The following LPAR1 variants were observed in gnomAD, a reference collection of about 807,000 sequenced individuals.
LPAR1 encodes the protein lysophosphatidic acid receptor 1, also known as LPA receptor 1.
In LPAR1, 5 loss-of-function variants were observed where a neutral mutation model predicts 23.8. The ratio of observed to expected loss-of-function variants is 0.21; its 90% CI spans 0.11 to 0.44. The LOEUF (loss-of-function observed/expected upper bound fraction) is 0.44. Ranked by LOEUF, LPAR1 falls within the 20% of genes least tolerant of loss-of-function variation. The pLI is 0.99. For missense variants in LPAR1, 311 were observed against 482.8 expected, an observed-to-expected ratio of 0.64 and a Z score of 3.33; for synonymous variants, 160 against 164.7, an observed-to-expected ratio of 0.97 and a Z score of 0.22.
rs574289895 is a variant in LPAR1, at chr9:110,910,000, C to T, written c.793+31421G>A. 7.9e-5 allele frequency among the ~76,000 whole-genome samples: 12 copies of T among 152,190 alleles called. No homozygotes were observed. The South Asian group carries it at 2.3e-3, about 29-fold the overall frequency. ...CTAAGCTCAAGCTATCCACCTGCCT[C>T]GGCTTCCCAAAGTGCTAGGATTATA... On this transcript the variant is annotated intron_variant, in intron 5 of 5. Coordinates refer to ENST00000683809, the MANE Select transcript of LPAR1 (RefSeq NM_001351411.2).
At chr9:110,891,632 A>G (rs1177784269) in intron 5 of LPAR1, among the ~76,000 whole-genome samples, 1 of 152,234 alleles carries the variant, frequency 6.6e-6, no homozygotes, top group East Asian at 1.9e-4. Flanking sequence ...ATAGTCTTGG[A>G]ATAATTTGAC....
At chr9:110,964,577 G>A (rs1454207046) in intron 4 of LPAR1, among the ~76,000 whole-genome samples, 1 of 152,100 alleles carries the variant, frequency 6.6e-6, no homozygotes, top group African/African-American at 2.4e-5. Flanking sequence ...GAATCTAGGT[G>A]TTGGCTATAT....
intron 2 of LPAR1, among the ~76,000 whole-genome samples, chr9:111,000,593 T>C (rs947136071): frequency 6.6e-6 from 1 of 152,166 alleles, no homozygotes; most frequent in Non-Finnish European, 1.5e-5. Context: ...TGCCTCAGTG[T>C]GAGCTGTGCT....
chr9:110,967,552 C>A (rs1036322376), intron 4 of LPAR1, among the ~76,000 whole-genome samples: 4 of 152,092 alleles, frequency 2.6e-5, no homozygotes, highest in South Asian at 2.1e-4. Context: ...GATTTTCAGG[C>A]CTTTCACACT....
rs1351621453 is a variant in LPAR1 at position 110,874,520 on chromosome 9, C to G, written c.*901G>C. On this transcript the variant is annotated 3_prime_UTR_variant, in exon 6 of 6. Transcript: ENST00000683809. The stretch of plus-strand genomic sequence containing the variant: ...CTTTTTTATACATTTCTGCATTTTT[C>G]AAGTTTTCTATGATGAGTATATTAT... 6.6e-6 allele frequency: 1 copy of G among 152,450 alleles called. No homozygotes were observed. Among genetic ancestry groups the G allele is most frequent in the Admixed American group, 6.6e-5 (1 of 15,252 alleles). The allele number at this position is 152,450 out of a possible 1,614,324, so 9.4% of individuals were successfully genotyped here. A position where few individuals can be genotyped will look rare whatever the true frequency, so the allele number is the denominator to read the frequency against.
rs983235712 is a variant in LPAR1 at position 110,900,633 on chromosome 9, T to C, written c.794-24911A>G. 3.9e-5 allele frequency among the ~76,000 whole-genome samples: 6 copies of C among 152,322 alleles called. No homozygotes were observed. The East Asian group carries it at 1.2e-3, about 29-fold the overall frequency. ...TTTAATGTTACAGTTTCTGGCACCA[T>C]TCCCAAGCTTTCTTGACCCTGTTGC... On this transcript the variant is annotated intron_variant, in intron 5 of 5. Transcript: ENST00000683809.
At chr9:110,990,151 A>G (rs1418237169) in intron 2 of LPAR1, among the ~76,000 whole-genome samples, 2 of 152,152 alleles carry the variant, frequency 1.3e-5, no homozygotes, top group Non-Finnish European at 2.9e-5. Context: ...AAATCCACAA[A>G]TATAGCCAGA....
At chr9:111,009,833 T>C (rs180707352) in intron 2 of LPAR1, among the ~76,000 whole-genome samples, 2 of 151,732 alleles carry the variant, frequency 1.3e-5, no homozygotes, top group Non-Finnish European at 2.9e-5. Flanking sequence ...AAATTATATG[T>C]CTAAATATGG....
At chr9:111,018,964 T>G (rs1163596254) in intron 2 of LPAR1, among the ~76,000 whole-genome samples, 1 of 152,202 alleles carries the variant, frequency 6.6e-6, no homozygotes, top group African/African-American at 2.4e-5. Flanking sequence ...TCGCCTTATA[T>G]AACAGTGTGT....
At chr9:110,967,682 G>C (rs2096269493) in intron 4 of LPAR1, among the ~76,000 whole-genome samples, 1 of 152,200 alleles carries the variant, frequency 6.6e-6, no homozygotes, top group African/African-American at 2.4e-5. Context: ...TGCCTAAGAA[G>C]ATGCTATATC....
chr9:110,902,992 C>T (rs1298689554), intron 5 of LPAR1, among the ~76,000 whole-genome samples: 4 of 152,142 alleles, frequency 2.6e-5, no homozygotes, highest in African/African-American at 4.8e-5. Flanking sequence ...ATTGGATGCA[C>T]GGCCCACAAA....
intron 2 of LPAR1, among the ~76,000 whole-genome samples, chr9:110,989,127 A>G (rs1250859670): frequency 6.6e-6 from 1 of 152,194 alleles, no homozygotes; most frequent in African/African-American, 2.4e-5. Flanking sequence ...AGTTTGGAAG[A>G]GGATAAATAG....
intron 5 of LPAR1, among the ~76,000 whole-genome samples, chr9:110,907,050 A>G (rs2091438079): frequency 6.6e-6 from 1 of 152,236 alleles, no homozygotes; most frequent in Admixed American, 6.5e-5. Context: ...GCTAATTTCA[A>G]AAGTTGATAT....
intron 4 of LPAR1, among the ~76,000 whole-genome samples, chr9:110,965,731 A>G (rs1463200210): frequency 6.6e-6 from 1 of 152,238 alleles, no homozygotes; most frequent in Non-Finnish European, 1.5e-5. Context: ...TCAAGGATGT[A>G]GAACCAGAAA....
intron 2 of LPAR1, among the ~76,000 whole-genome samples, chr9:111,004,623 A>G (rs2097182208): frequency 6.6e-6 from 1 of 152,062 alleles, no homozygotes; most frequent in Non-Finnish European, 1.5e-5. Context: ...TGCTCCCTTG[A>G]TTCTTATCCA....
In LPAR1 at chr9:110,887,185, T is replaced by C. The variant is rs113336698; in HGVS notation, c.794-11463A>G. ...TTTGCAGTTCATGAATCACAAGATATGTATTACCCAAGACAGAAACTTCAA... is the reference window on the plus strand; with the variant it reads ...TTTGCAGTTCATGAATCACAAGATACGTATTACCCAAGACAGAAACTTCAA... On this transcript the variant is annotated intron_variant, in intron 5 of 5. Transcript: ENST00000683809. Among the ~76,000 whole-genome samples, 364 of 152,214 alleles carry C rather than the reference T, an allele frequency of 2.4e-3. 2 individuals are homozygous for C. Among genetic ancestry groups the C allele is most frequent in the African/African-American group, 8.4e-3 (347 of 41,536 alleles).
chr9:111,036,377 G>GAAAA (rs34393299), intron 1 of LPAR1, among the ~76,000 whole-genome samples, 176 bp from the exon 2 acceptor site: 1 of 122,208 alleles, frequency 8.2e-6, no homozygotes, highest in African/African-American at 3.0e-5. Flanking sequence ...TTGAGGAAAG[G>GAAAA]AAAAAAAAAA....
intron 5 of LPAR1, among the ~76,000 whole-genome samples, chr9:110,912,387 A>G (rs2092567516): frequency 6.6e-6 from 1 of 152,234 alleles, no homozygotes; most frequent in African/African-American, 2.4e-5. Context: ...ACCCAGAGAT[A>G]GAATACAAAA....
At chr9:111,036,834 G>A (rs1416752360) in intron 1 of LPAR1, among the ~76,000 whole-genome samples, 1 of 152,112 alleles carries the variant, frequency 6.6e-6, no homozygotes, top group Non-Finnish European at 1.5e-5. Context: ...TTACAATGCT[G>A]ATTATTATTC....
Sources: gnomAD v4.1 joint callset for allele counts (sites outside exome capture counted in the v4.1 genomes callset) on GRCh38, gnomAD v4.1.1 for gene constraint, MANE v1.5 for transcripts, NCBI Gene and HGNC (gene_info 2026-07-23, HGNC 2026-07-21) for gene names.